Variants in CACNA1D observed in about 807,000 individuals in gnomAD.
CACNA1D encodes the protein voltage-dependent L-type calcium channel subunit alpha-1D.
CACNA1D carries 55 observed loss-of-function variants against 257.1 expected under a neutral mutation model. That is an observed-to-expected ratio of 0.21 (90% CI 0.17 to 0.27). The LOEUF (loss-of-function observed/expected upper bound fraction) is 0.27, where lower values mean the gene tolerates loss of function less well. CACNA1D is among the 10% of genes least tolerant of loss of function. The pLI is 1.00. For synonymous variants in CACNA1D, 980 were observed against 1,014.9 expected (o/e 0.97, Z 0.65); for missense variants, 1,876 against 2,784.0 (o/e 0.67, Z 7.34).
chr3:53,600,105 G>A (rs2093422876), intron 3 of CACNA1D, among the ~76,000 whole-genome samples: 2 of 152,224 alleles, frequency 1.3e-5, no homozygotes, highest in South Asian at 2.1e-4. Context: ...GCCTGAGTTT[G>A]GCCCTTTGTC....
chr3:53,637,090 G>T (rs2093893378), intron 3 of CACNA1D, among the ~76,000 whole-genome samples: 1 of 151,570 alleles, frequency 6.6e-6, no homozygotes, highest in African/African-American at 2.4e-5. Flanking sequence ...TAAAGTTTCA[G>T]CTGATTTTAA....
rs1424116352 is a variant in CACNA1D, at chr3:53,719,760, C to G, written c.1484C>G (p.Ala495Gly). Residue 495 changes from alanine to glycine, a missense_variant, in exon 11 of 48, where the codon GCC (alanine) becomes GGC (glycine). Ala to Gly is a moderately conservative substitution (Grantham distance 60, BLOSUM62 0). Around this residue, in one of 10 missense-constraint regions of CACNA1D, gnomAD observed 257 missense variants for 399.7 expected, o/e 0.64. Coordinates refer to ENST00000350061, the MANE Select transcript of CACNA1D (RefSeq NM_001128840.3). ...NRGCCGSLCQAISKSKLSRRW... is the reference protein window; with the variant it reads ...NRGCCGSLCQGISKSKLSRRW... The stretch of plus-strand genomic sequence containing the variant: ...ACTTTTTGTCTTTCTTTCAGTCAAG[C>G]CATCTCAAAATCCAAACTCAGGTCA... 1.9e-6 allele frequency: 3 copies of G among 1,613,828 alleles called. No individual in the cohort carries two copies. Among genetic ancestry groups the G allele is most frequent in the African/African-American group, 1.3e-5 (1 of 75,042 alleles).
At chr3:53,548,349 A>C (rs1207303080) in intron 3 of CACNA1D, among the ~76,000 whole-genome samples, 1 of 119,228 alleles carries the variant, frequency 8.4e-6, no homozygotes, top group Non-Finnish European at 1.7e-5. Flanking sequence ...GTAAGCAACA[A>C]AGCTTTTTTT....
chr3:53,495,060 A>T lies in CACNA1D; in HGVS notation c.-107A>T, dbSNP rs1320499730. ...CCCCTGCTGAAGCGAGAATAAGGGC[A>T]GGGACCGCGGCTCCTACCTCTTGGT... On this transcript the variant is annotated 5_prime_UTR_variant, in exon 1 of 48. Transcript: ENST00000350061. The surrounding 1 kb of genome is among the most constrained non-coding windows in gnomAD (Gnocchi z 5.1). 1 of 586,108 alleles carries T rather than the reference A, an allele frequency of 1.7e-6. No homozygotes were observed. Among genetic ancestry groups the T allele is most frequent in the Admixed American group, 2.0e-5 (1 of 49,546 alleles). The allele number at this position is 586,108 out of a possible 1,614,324, so 36.3% of individuals were successfully genotyped here. A position where few individuals can be genotyped will look rare whatever the true frequency, so the allele number is the denominator to read the frequency against.
Position 53,811,414 on chromosome 3 carries a change from C to A in CACNA1D, c.*8C>A. ...TGCATCACCACCTTGTAGCCCCCAGCGAGGGGCAGACTGGCTCTGGCCTCA... is the reference window on the plus strand; with the variant it reads ...TGCATCACCACCTTGTAGCCCCCAGAGAGGGGCAGACTGGCTCTGGCCTCA... On this transcript the variant is annotated 3_prime_UTR_variant, in exon 48 of 48. Transcript: ENST00000350061. The surrounding 1 kb of genome is among the most constrained non-coding windows in gnomAD (Gnocchi z 4.2). 1 of 1,542,752 alleles carries A rather than the reference C, an allele frequency of 6.5e-7. No individual in the cohort carries two copies. The highest frequency in any genetic ancestry group is 1.9e-5 in the Admixed American group (1 of 52,270).
At chr3:53,648,226 A>G (rs1017198789) in intron 3 of CACNA1D, among the ~76,000 whole-genome samples, 2 of 152,162 alleles carry the variant, frequency 1.3e-5, no homozygotes, top group African/African-American at 2.4e-5. Context: ...TAAAGCAGCA[A>G]GGATAAAAAG....
intron 32 of CACNA1D, among the ~76,000 whole-genome samples, 163 bp from the exon 33 acceptor site, chr3:53,772,670 C>T (rs959533620): frequency 1.3e-5 from 2 of 152,214 alleles, no homozygotes; most frequent in African/African-American, 2.4e-5. Flanking sequence ...AGTAGTTGGG[C>T]AGGGCTGGGA....
At chr3:53,607,030 C>T in intron 3 of CACNA1D, among the ~76,000 whole-genome samples, 1 of 152,136 alleles carries the variant, frequency 6.6e-6, no homozygotes, top group East Asian at 1.9e-4. Context: ...TATCCCTGTA[C>T]CTGCTGTTGG....
intron 4 of CACNA1D, among the ~76,000 whole-genome samples, chr3:53,659,255 T>C (rs2094179643): frequency 6.6e-6 from 1 of 152,232 alleles, no homozygotes; most frequent in Non-Finnish European, 1.5e-5. Flanking sequence ...AAAAAATTTA[T>C]TGTGGCTGCC....
At chr3:53,803,995 T>G (rs1164190510) in intron 44 of CACNA1D, among the ~76,000 whole-genome samples, 2 of 152,108 alleles carry the variant, frequency 1.3e-5, no homozygotes, top group Non-Finnish European at 2.9e-5. Context: ...GCACAGCACC[T>G]GCCTCCTGCC....
At chr3:53,578,927 T>C (rs1043172972) in intron 3 of CACNA1D, among the ~76,000 whole-genome samples, 2 of 152,304 alleles carry the variant, frequency 1.3e-5, no homozygotes, top group South Asian at 4.1e-4. Context: ...TGGGCCATAG[T>C]TGGGAGGCTG....
At chr3:53,638,231 C>T (rs966155736) in intron 3 of CACNA1D, among the ~76,000 whole-genome samples, 4 of 152,166 alleles carry the variant, frequency 2.6e-5, no homozygotes, top group African/African-American at 7.2e-5. Context: ...CTGTCTATAG[C>T]AAACCATAGA....
At chr3:53,497,612 C>T (rs909591262) in intron 2 of CACNA1D, 151 bp downstream of exon 2, 1 of 780,128 alleles carries the variant, frequency 1.3e-6, no homozygotes, top group African/African-American at 1.7e-5. Flanking sequence ...ATATACCTTC[C>T]TGTCTCTTCG....
At chr3:53,708,300 T>C (rs2094713446) in intron 9 of CACNA1D, among the ~76,000 whole-genome samples, 2 of 152,212 alleles carry the variant, frequency 1.3e-5, no homozygotes, top group African/African-American at 4.8e-5. Context: ...TGGAAGATAC[T>C]CAAGTAAAAG....
chr3:53,554,996 T>C (rs2092610930), intron 3 of CACNA1D, among the ~76,000 whole-genome samples: 1 of 152,232 alleles, frequency 6.6e-6, no homozygotes, highest in African/African-American at 2.4e-5. Context: ...TGAATGATAA[T>C]ATCATTTTCA....
chr3:53,715,300 G>T (rs2094806509), intron 9 of CACNA1D, among the ~76,000 whole-genome samples: 1 of 152,138 alleles, frequency 6.6e-6, no homozygotes, highest in African/African-American at 2.4e-5. Flanking sequence ...TTTATTATGT[G>T]CCTGTGGCTC....
chr3:53,662,493 C>T (rs2094214061), intron 5 of CACNA1D, among the ~76,000 whole-genome samples: 1 of 152,126 alleles, frequency 6.6e-6, no homozygotes, highest in African/African-American at 2.4e-5. Flanking sequence ...AGTTCAAGAC[C>T]ATCAAAGTGG....
At chr3:53,661,406 G>A (rs538334194) in intron 5 of CACNA1D, among the ~76,000 whole-genome samples, 1 of 152,092 alleles carries the variant, frequency 6.6e-6, no homozygotes, top group African/African-American at 2.4e-5. Flanking sequence ...TTTCCAGATG[G>A]TTCATTTATT....
intron 3 of CACNA1D, among the ~76,000 whole-genome samples, chr3:53,551,718 G>T (rs1290108731): frequency 6.6e-6 from 1 of 152,188 alleles, no homozygotes; most frequent in Non-Finnish European, 1.5e-5. Context: ...AGGAAAGAAG[G>T]TCCAAAGCAA....
Sources: gnomAD v4.1 joint callset for allele counts (sites outside exome capture counted in the v4.1 genomes callset) on GRCh38, gnomAD v4.1.1 for gene constraint, gnomAD v4.1.1 regional missense constraint, Gnocchi (gnomAD v3.1) non-coding constraint, MANE v1.5 for transcripts, NCBI Gene and HGNC (gene_info 2026-07-23, HGNC 2026-07-21) for gene names.